HMBOX1: variants seen among roughly 807,000 people sequenced by gnomAD.
The protein encoded by HMBOX1 is homeobox-containing protein 1.
In HMBOX1, 14 loss-of-function variants were observed where a neutral mutation model predicts 54.5. The ratio of observed to expected loss-of-function variants is 0.26; its 90% confidence interval spans 0.17 to 0.40. The LOEUF (loss-of-function observed/expected upper bound fraction) is 0.40, where lower values mean the gene tolerates loss of function less well. Among genes scored for constraint, HMBOX1 ranks in the 10% least tolerant of loss-of-function variants. HMBOX1 has a pLI of 1.00. For missense variants in HMBOX1, 332 were observed against 514.4 expected (o/e 0.65, Z 3.43); for synonymous variants, 160 against 181.0 (o/e 0.88, Z 0.93).
At chr8:29,043,186 A>G (rs1257117680) in intron 6 of HMBOX1, among the ~76,000 whole-genome samples, 1 of 152,200 alleles carries the variant, frequency 6.6e-6, no homozygotes, top group East Asian at 1.9e-4. Context: ...TGCTTTGTAC[A>G]AGCCCCATGT....
At chr8:29,010,246 CTCTT>C in intron 5 of HMBOX1, 1 of 604,462 alleles carries the variant, frequency 1.7e-6, no homozygotes, top group Non-Finnish European at 2.1e-6. Context: ...CACCTGTTTA[CTCTT>C]TCTTAGATAT....
At chr8:28,920,918 A>G (rs1209525819) in intron 1 of HMBOX1, among the ~76,000 whole-genome samples, 1 of 152,360 alleles carries the variant, frequency 6.6e-6, no homozygotes, top group South Asian at 2.1e-4. Flanking sequence ...CATAAACCAG[A>G]CAAAAAATAT....
rs1371703492 is a variant in HMBOX1 at position 29,051,971 on chromosome 8, G to A, written c.*816G>A. The A allele has an allele frequency of 5.5e-6, 1 of 181,878 alleles. No homozygotes were observed. The highest frequency in any genetic ancestry group is 1.2e-5 in the Non-Finnish European group (1 of 86,174). The allele number at this position is 181,878 out of a possible 1,614,324, so 11.3% of individuals were successfully genotyped here. ...AATATGAGCTGAATGTCTAATGGAT[G>A]CTAAGTCCAGTTTTCAGAACCACTG... On this transcript the variant is annotated 3_prime_UTR_variant, in exon 10 of 10. Transcript: ENST00000287701.
intron 1 of HMBOX1, among the ~76,000 whole-genome samples, chr8:28,914,729 TTC>T (rs1205137751): frequency 6.6e-6 from 1 of 152,230 alleles, no homozygotes; most frequent in Non-Finnish European, 1.5e-5. Flanking sequence ...CAGTGAAAAT[TTC>T]TTTTTTTGCT....
In HMBOX1 at chr8:28,912,906, T is replaced by A. The variant is rs145988373; in HGVS notation, c.-58+22228T>A. On this transcript the variant is annotated intron_variant, in intron 1 of 9. Coordinates refer to ENST00000287701, the MANE Select transcript of HMBOX1 (RefSeq NM_001135726.3). ...CTTTTTATGCTTTAAAAAACATACT[T>A]AAGTTTTCTCCACTTCTAGTATTGC... 2.6e-5 allele frequency among the ~76,000 whole-genome samples: 4 copies of A among 152,288 alleles called. No individual in the cohort carries two copies. The East Asian group carries it at 7.7e-4, about 29-fold the overall frequency.
At chr8:29,033,323 G>A (rs1174313959) in intron 6 of HMBOX1, among the ~76,000 whole-genome samples, 2 of 152,058 alleles carry the variant, frequency 1.3e-5, no homozygotes, top group Admixed American at 6.6e-5. Flanking sequence ...GGAATGACTC[G>A]GGTGGAACAT....
rs537564265 is a variant in HMBOX1, at chr8:28,967,706, AAAT to A, written c.24-2330_24-2328del. ...ACAGGTCTACTTCATTTTCAAGGGAAAATAATAATGTTTATGTTTAATTTTTTT... is the reference window on the plus strand; with the variant it reads ...ACAGGTCTACTTCATTTTCAAGGGAAAATAATGTTTATGTTTAATTTTTTT... On this transcript the variant is annotated intron_variant, in intron 2 of 9. Transcript: ENST00000287701. Among the ~76,000 whole-genome samples, 122 of 152,354 alleles carry A rather than the reference AAAT, an allele frequency of 8.0e-4. 3 individuals carry two copies. The South Asian group carries it at 0.024, about 30-fold the overall frequency.
intron 4 of HMBOX1, among the ~76,000 whole-genome samples, chr8:28,988,956 T>G (rs1373470174): frequency 6.6e-6 from 1 of 152,178 alleles, no homozygotes; most frequent in Non-Finnish European, 1.5e-5. Context: ...TTGTGGTTCT[T>G]GCTTTTTGTG....
At chr8:29,017,839 TATTA>T (rs1208911925) in intron 5 of HMBOX1, among the ~76,000 whole-genome samples, 3 of 152,116 alleles carry the variant, frequency 2.0e-5, no homozygotes, top group African/African-American at 7.2e-5. Flanking sequence ...ATAAAGAGAG[TATTA>T]ATTCTATTAG....
chr8:29,003,301 TAAC>T (rs1242301238), intron 4 of HMBOX1, among the ~76,000 whole-genome samples: 4 of 151,746 alleles, frequency 2.6e-5, no homozygotes, highest in East Asian at 1.9e-4. Flanking sequence ...AGTGAAACAT[TAAC>T]AACAACTGCA....
intron 6 of HMBOX1, among the ~76,000 whole-genome samples, chr8:29,043,849 G>A (rs1024232728): frequency 2.6e-5 from 4 of 152,154 alleles, no homozygotes; most frequent in Admixed American, 2.6e-4. Flanking sequence ...TATGAGGGTA[G>A]TGACTTGGAA....
Position 28,970,113 on chromosome 8 carries a change from C to T in HMBOX1, c.94C>T (p.Arg32Ter). 1.2e-6 allele frequency: 2 copies of T among 1,614,000 alleles called. No individual in the cohort carries two copies. Among genetic ancestry groups the T allele is most frequent in the South Asian group, 1.1e-5 (1 of 91,078 alleles). ...CATAGAGCAGATAGATCTGCTTCAGCGACTTCGGCGTACTGGAATGACTAA... is the reference window on the plus strand; with the variant it reads ...CATAGAGCAGATAGATCTGCTTCAGTGACTTCGGCGTACTGGAATGACTAA... Reference protein sequence around the residue: ...FTIEQIDLLQRLRRTGMTKHE... With the variant: ...FTIEQIDLLQ The change falls in exon 3 of 10, where the codon CGA becomes TGA. Residue 32 changes from arginine to a stop codon, truncating the protein, a stop_gained. Transcript: ENST00000287701. LOFTEE classifies it high-confidence loss of function. This position sits in a 1 kb window ranked among gnomAD's most constrained non-coding sequence, Gnocchi z 4.3.
At chr8:28,897,285 T>G (rs891233474) in intron 1 of HMBOX1, among the ~76,000 whole-genome samples, 1 of 152,012 alleles carries the variant, frequency 6.6e-6, no homozygotes, top group African/African-American at 2.4e-5. Flanking sequence ...TCGGCTAGTT[T>G]TTTTTTTTTA....
Position 28,968,615 on chromosome 8 carries a change from C to T in HMBOX1, c.24-1428C>T, listed in dbSNP as rs75353489. ...TGTTATGTGAAATTCGTACCCAGTT[C>T]CTGCCTAGAAGTGACTGTTAATAAA... On this transcript the variant is annotated intron_variant, in intron 2 of 9. Transcript: ENST00000287701. Among the ~76,000 whole-genome samples, 869 of 152,276 alleles carry T rather than the reference C, an allele frequency of 5.7e-3. 4 individuals are homozygous for T. Among genetic ancestry groups the T allele is most frequent in the African/African-American group, 0.02 (844 of 41,552 alleles).
intron 5 of HMBOX1, among the ~76,000 whole-genome samples, chr8:29,016,208 GA>G (rs1586500224): frequency 1.3e-5 from 2 of 152,008 alleles, no homozygotes; most frequent in African/African-American, 4.8e-5. Context: ...TGACAGACCA[GA>G]AAAAAATTGC....
chr8:29,052,437 T>C lies in HMBOX1; in HGVS notation c.*1282T>C, dbSNP rs937270479. Reference sequence around the variant, plus strand: ...AATGGATGTGGTAATATTTGTAAAGTTTAATCTACTTTAAGCGGCAGTAAC... The same window carrying C: ...AATGGATGTGGTAATATTTGTAAAGCTTAATCTACTTTAAGCGGCAGTAAC... On this transcript the variant is annotated 3_prime_UTR_variant, in exon 10 of 10. Coordinates refer to ENST00000287701, the MANE Select transcript of HMBOX1 (RefSeq NM_001135726.3). 5.3e-5 allele frequency: 8 copies of C among 152,234 alleles called. No homozygotes were observed. In the East Asian group the frequency reaches 7.7e-4, roughly 15 times the overall value. 9.4% of individuals were successfully genotyped at this position (152,234 alleles called of 1,614,324 possible). A position where few individuals can be genotyped will look rare whatever the true frequency, so the allele number is the denominator to read the frequency against.
At chr8:28,969,030 AG>A (rs1022638192) in intron 2 of HMBOX1, among the ~76,000 whole-genome samples, 77 of 152,234 alleles carry the variant, frequency 5.1e-4, no homozygotes, top group Middle Eastern at 3.4e-3. Context: ...AAAAGTAGCC[AG>A]GCTTGGTGGC....
At chr8:28,891,403 T>A (rs921720293) in intron 1 of HMBOX1, 2 of 152,286 alleles carry the variant, frequency 1.3e-5, no homozygotes, top group East Asian at 3.8e-4. Flanking sequence ...TGTTTCTTAA[T>A]ATTTTATTCC....
intron 3 of HMBOX1, among the ~76,000 whole-genome samples, chr8:28,976,659 C>T (rs1343813934): frequency 6.6e-6 from 1 of 150,764 alleles, no homozygotes; most frequent in Non-Finnish European, 1.5e-5. Context: ...TGATAAAGCT[C>T]TCTGGTAAAA....
Sources: gnomAD v4.1 joint callset for allele counts (sites outside exome capture counted in the v4.1 genomes callset) on GRCh38, gnomAD v4.1.1 for gene constraint, Gnocchi (gnomAD v3.1) non-coding constraint, MANE v1.5 for transcripts, NCBI Gene and HGNC (gene_info 2026-07-23, HGNC 2026-07-21) for gene names.